The following FBXO25 variants were observed in gnomAD, a reference collection of about 807,000 sequenced individuals.
The protein encoded by FBXO25 is F-box only protein 25.
FBXO25 carries 45 observed loss-of-function variants against 51.9 expected under a neutral mutation model. That is an observed-to-expected ratio of 0.87 (90% CI 0.68 to 1.11). The LOEUF (loss-of-function observed/expected upper bound fraction) is 1.11, where lower values mean the gene tolerates loss of function less well. Among genes scored for constraint, FBXO25 ranks in the 50% most tolerant of loss-of-function variants. FBXO25 has a pLI of 0.00. For synonymous variants in FBXO25, 199 were observed against 151.0 expected (o/e 1.32, Z -2.33); for missense variants, 507 against 428.5 (o/e 1.18, Z -1.62).
intron 5 of FBXO25, among the ~76,000 whole-genome samples, chr8:444,963 A>G (rs562600437): frequency 3.7e-4 from 57 of 152,364 alleles, no homozygotes; most frequent in African/African-American, 1.2e-3. Flanking sequence ...CCATGACTGT[A>G]TAAAAAACTT....
At chr8:457,599 G>T (rs1379766970) in intron 7 of FBXO25, among the ~76,000 whole-genome samples, 2 of 152,142 alleles carry the variant, frequency 1.3e-5, no homozygotes, top group Admixed American at 6.5e-5. Context: ...GTCCATTGTG[G>T]AGGTTGTCTA....
chr8:454,724 T>C (rs745307390), intron 7 of FBXO25, among the ~76,000 whole-genome samples: 17 of 151,926 alleles, frequency 1.1e-4, no homozygotes, highest in Non-Finnish European at 1.8e-4. Context: ...ATCCCATCTC[T>C]ACTAAAAATA....
At chr8:431,032 G>A (rs1217591731) in intron 2 of FBXO25, among the ~76,000 whole-genome samples, 1 of 152,122 alleles carries the variant, frequency 6.6e-6, no homozygotes, top group Non-Finnish European at 1.5e-5. Context: ...TTTTTCTGGA[G>A]TTTTAATAGT....
chr8:456,389 A>T (rs183276101), intron 7 of FBXO25, among the ~76,000 whole-genome samples: 3 of 152,052 alleles, frequency 2.0e-5, no homozygotes, highest in Admixed American at 6.5e-5. Flanking sequence ...TCTCTTTTCT[A>T]TGTGCTCTCT....
intron 9 of FBXO25, chr8:467,784 T>A (rs1184994386): frequency 1.9e-6 from 3 of 1,613,288 alleles, no homozygotes; most frequent in African/African-American, 2.7e-5. Flanking sequence ...GTGTTCGGGA[T>A]GAAAACGTTG....
At chr8:414,593 G>C (rs1796682587) in intron 2 of FBXO25, among the ~76,000 whole-genome samples, 1 of 152,138 alleles carries the variant, frequency 6.6e-6, no homozygotes, top group Non-Finnish European at 1.5e-5. Flanking sequence ...TTAAATGTCT[G>C]AGAATTGTTT....
chr8:445,820 G>A (rs754435160), intron 5 of FBXO25, among the ~76,000 whole-genome samples: 49 of 152,310 alleles, frequency 3.2e-4, no homozygotes, highest in African/African-American at 1.1e-3. Context: ...GCAGTGAGCC[G>A]AGATCGCGCC....
rs893272189 is a variant in FBXO25, at chr8:457,645, C to G, written c.661-724C>G. ...TGACTGCAGTTAATAATTATACATC[C>G]TTTACTTCAAATTTGCTAAGAGTAG... On this transcript the variant is annotated intron_variant, in intron 7 of 9. Transcript: ENST00000350302. 3.9e-5 allele frequency among the ~76,000 whole-genome samples: 6 copies of G among 152,170 alleles called. 1 individual carries two copies. The highest frequency in any genetic ancestry group is 1.4e-4 in the African/African-American group (6 of 41,444).
chr8:415,709 G>T (rs1252223472), intron 2 of FBXO25, among the ~76,000 whole-genome samples: 1 of 152,166 alleles, frequency 6.6e-6, no homozygotes, highest in Non-Finnish European at 1.5e-5. Context: ...GGTTCAGCTG[G>T]GGAAATGGTG....
At position 459,367 on chromosome 8, in the gene FBXO25, C is replaced by G. The variant is rs77255506; in HGVS notation, c.843+816C>G. On this transcript the variant is annotated intron_variant, in intron 8 of 9. Coordinates refer to ENST00000350302, the MANE Select transcript of FBXO25 (RefSeq NM_183420.2). ...AGTCGACAGGGCCTAGGCAGAGAGC[C>G]GGACCCTAGCATGGGGAGGGTGCTG... Among the ~76,000 whole-genome samples the G allele has an allele frequency of 1.0e-3, 153 of 152,272 alleles. 1 individual carries two copies. The highest frequency in any genetic ancestry group is 3.5e-3 in the African/African-American group (147 of 41,568).
intron 5 of FBXO25, among the ~76,000 whole-genome samples, chr8:442,680 G>C (rs1798502720): frequency 6.6e-6 from 1 of 152,038 alleles, no homozygotes; most frequent in Admixed American, 6.6e-5. Flanking sequence ...GTATGGGTCA[G>C]GCTGGTCTTG....
At chr8:409,716 G>A (rs1350069776) in intron 1 of FBXO25, among the ~76,000 whole-genome samples, 2 of 152,090 alleles carry the variant, frequency 1.3e-5, no homozygotes, top group Non-Finnish European at 2.9e-5. Flanking sequence ...ATAAGGTTCT[G>A]TTGGCAAGAT....
At chr8:454,414 G>A (rs868788101) in intron 7 of FBXO25, among the ~76,000 whole-genome samples, 1 of 152,158 alleles carries the variant, frequency 6.6e-6, no homozygotes, top group African/African-American at 2.4e-5. Flanking sequence ...CCATGTGCTC[G>A]CTGGGCCCAT....
At chr8:468,523 A>G (rs942930050) in intron 9 of FBXO25, among the ~76,000 whole-genome samples, 192 bp from the exon 10 acceptor site, 2 of 152,044 alleles carry the variant, frequency 1.3e-5, no homozygotes, top group Non-Finnish European at 1.5e-5. Context: ...CAGGAGTTCC[A>G]TGGGAAACCT....
chr8:442,988 C>G (rs894465173), intron 5 of FBXO25, among the ~76,000 whole-genome samples: 2 of 152,220 alleles, frequency 1.3e-5, no homozygotes, highest in African/African-American at 4.8e-5. Context: ...TGTTAACGCT[C>G]CTGAGAACAG....
intron 2 of FBXO25, among the ~76,000 whole-genome samples, chr8:414,196 T>C (rs948650668): frequency 2.0e-5 from 3 of 152,230 alleles, no homozygotes; most frequent in Non-Finnish European, 4.4e-5. Context: ...AAACTTATAT[T>C]GTAGCAGTTC....
intron 5 of FBXO25, among the ~76,000 whole-genome samples, chr8:449,041 A>G (rs1477955847): frequency 6.6e-6 from 1 of 152,186 alleles, no homozygotes; most frequent in African/African-American, 2.4e-5. Context: ...GTGTCTATAC[A>G]TGTAAACACA....
Position 477,890 on chromosome 8 carries a change from G to C in FBXO25, c.*9086G>C, listed in dbSNP as rs1463975916. ...AAAAACAGCTGGTGGGCCCAATTTTGGCCTGTATTTCACTTGCCAACCTGA... is the reference window on the plus strand; with the variant it reads ...AAAAACAGCTGGTGGGCCCAATTTTCGCCTGTATTTCACTTGCCAACCTGA... On this transcript the variant is annotated 3_prime_UTR_variant, in exon 10 of 10. Transcript: ENST00000350302. 6.6e-6 allele frequency: 1 copy of C among 152,004 alleles called. No homozygotes were observed. Among genetic ancestry groups the C allele is most frequent in the African/African-American group, 2.4e-5 (1 of 41,350 alleles). 9.4% of individuals were successfully genotyped at this position (152,004 alleles called of 1,614,324 possible).
chr8:455,746 TGA>T (rs1228723312), intron 7 of FBXO25, among the ~76,000 whole-genome samples: 1 of 152,142 alleles, frequency 6.6e-6, no homozygotes, highest in African/African-American at 2.4e-5. Context: ...AGTGTAGGTG[TGA>T]GAGATTTCAT....
Sources: gnomAD v4.1 joint callset for allele counts (sites outside exome capture counted in the v4.1 genomes callset) on GRCh38, gnomAD v4.1.1 for gene constraint, MANE v1.5 for transcripts, NCBI Gene and HGNC (gene_info 2026-07-23, HGNC 2026-07-21) for gene names.